COL4A1: variants seen among roughly 807,000 people sequenced by gnomAD.
COL4A1 encodes collagen type IV alpha 1 chain, also known as collagen alpha-1(IV) chain.
Under a neutral mutation model 216.6 loss-of-function variants are expected in COL4A1, and 40 were observed. The ratio of observed to expected loss-of-function variants is 0.18; its 90% CI spans 0.14 to 0.24. COL4A1 has a LOEUF of 0.24. Among genes scored for constraint, COL4A1 ranks in the 10% least tolerant of loss-of-function variants. COL4A1 has a pLI of 1.00. For synonymous variants in COL4A1, 839 were observed against 810.7 expected, an observed-to-expected ratio of 1.03 and a Z score of -0.59; for missense variants, 1,628 against 2,196.8, an observed-to-expected ratio of 0.74 and a Z score of 5.18.
At chr13:110,279,657 C>T (rs1440004450) in intron 1 of COL4A1, among the ~76,000 whole-genome samples, 2 of 152,184 alleles carry the variant, frequency 1.3e-5, no homozygotes, top group East Asian at 3.9e-4. Context: ...GCATCAGAAA[C>T]CAGCCACACA....
At chr13:110,204,458 C>G (rs1879394240) in intron 17 of COL4A1, among the ~76,000 whole-genome samples, 1 of 152,152 alleles carries the variant, frequency 6.6e-6, no homozygotes, top group Non-Finnish European at 1.5e-5. Flanking sequence ...TTGTCCCTGG[C>G]TTTAATAAAT....
At position 110,164,934 on chromosome 13, in the gene COL4A1, C is replaced by T. The variant is rs1045005825; in HGVS notation, c.4078G>A (p.Gly1360Arg). The T allele has an allele frequency of 2.5e-6, 4 of 1,605,002 alleles. No individual in the cohort carries two copies. Among genetic ancestry groups the T allele is most frequent in the South Asian group, 2.2e-5 (2 of 89,312 alleles). ...GPYDIIKGEP[G>R]LPGPEGPPGL... ...GGGGGGCCCTCAGGACCAGGGAGCC[C>T]GGGCTCCCCTTTGATGATGTCGTAA... Residue 1360 changes from glycine to arginine, a missense_variant, in exon 46 of 52, where the codon GGG becomes AGG. By Grantham distance (125) the Gly-to-Arg change is moderately radical. Coordinates refer to ENST00000375820, the MANE Select transcript of COL4A1 (RefSeq NM_001845.6).
At chr13:110,186,338 C>T in intron 26 of COL4A1, 47 bp downstream of exon 26, 5 of 1,610,536 alleles carry the variant, frequency 3.1e-6, no homozygotes, top group Non-Finnish European at 4.2e-6. Flanking sequence ...CCTGCCCTAA[C>T]CTCCGTTTAC....
At chr13:110,257,686 A>G (rs12857314) in intron 1 of COL4A1, among the ~76,000 whole-genome samples, 1 of 152,184 alleles carries the variant, frequency 6.6e-6, no homozygotes, top group Non-Finnish European at 1.5e-5. Flanking sequence ...TCCAAACCAC[A>G]CTTCCCCACT....
In COL4A1 at chr13:110,249,279, G is replaced by T. The variant is rs566723031; in HGVS notation, c.85-6545C>A. Among the ~76,000 whole-genome samples the T allele has an allele frequency of 2.0e-5, 3 of 152,184 alleles. No individual in the cohort carries two copies. In the East Asian group the frequency reaches 5.8e-4, roughly 29 times the overall value. On this transcript the variant is annotated intron_variant, in intron 1 of 51. Transcript: ENST00000375820. Reference sequence around the variant, plus strand: ...GGTGACTACACGGGTGTATACGTCGGTAAAAACTCATCGAGCTGTGCACTT... The same window carrying T: ...GGTGACTACACGGGTGTATACGTCGTTAAAAACTCATCGAGCTGTGCACTT...
At chr13:110,242,820 A>T in intron 1 of COL4A1, 86 bp from the exon 2 acceptor site, 1 of 1,436,366 alleles carries the variant, frequency 7.0e-7, no homozygotes, top group Admixed American at 1.7e-5. Flanking sequence ...TGGCATCTTG[A>T]CTTGTTTATG....
intron 24 of COL4A1, 147 bp downstream of exon 24, chr13:110,192,067 A>AC (rs1878653366): frequency 1.3e-6 from 1 of 775,582 alleles, no homozygotes; most frequent in Non-Finnish European, 2.2e-6. Context: ...GGCCGCATGG[A>AC]GTCACTCCAG....
chr13:110,288,901 G>A (rs926034831), intron 1 of COL4A1, among the ~76,000 whole-genome samples: 6 of 152,110 alleles, frequency 3.9e-5, no homozygotes, highest in Non-Finnish European at 7.4e-5. Flanking sequence ...GTGTGGTGGC[G>A]CACGCCTGTA....
intron 2 of COL4A1, 113 bp from the exon 3 acceptor site, chr13:110,214,128 C>G (rs1366265590): frequency 1.2e-6 from 1 of 862,242 alleles, no homozygotes; most frequent in East Asian, 2.6e-5. Context: ...GAGTCTCATT[C>G]TGTTGCCCAG....
Position 110,183,002 on chromosome 13 carries a change from CG to C in COL4A1, c.2085del (p.Gly696AlafsTer106), listed in dbSNP as rs606231464. ...CGTCTGGCAGGGTTACCTTTGGGGC[CG>C]GGGGGCCCTGGAAATCCAATGCCTG... Reference protein sequence around the residue: ...GQPGIGFPGPPGPKGVDGLPG... With the variant: ...GQPGIGFPGPXGPKGVDGLPG... On this transcript the variant is annotated frameshift_variant, in exon 28 of 52. Coordinates refer to ENST00000375820, the MANE Select transcript of COL4A1 (RefSeq NM_001845.6). LOFTEE classifies it high-confidence loss of function. The C allele has an allele frequency of 1.2e-6, 2 of 1,612,364 alleles. No individual in the cohort carries two copies. The highest frequency in any genetic ancestry group is 1.7e-6 in the Non-Finnish European group (2 of 1,179,594).
At chr13:110,296,789 G>A (rs1884293492) in intron 1 of COL4A1, among the ~76,000 whole-genome samples, 1 of 152,226 alleles carries the variant, frequency 6.6e-6, no homozygotes, top group African/African-American at 2.4e-5. Flanking sequence ...TTATAAATTG[G>A]AATTTCCATG....
chr13:110,265,561 C>G (rs1388036409), intron 1 of COL4A1: 1 of 152,224 alleles, frequency 6.6e-6, no homozygotes, highest in African/African-American at 2.4e-5. Flanking sequence ...GGAGCTGATT[C>G]TGGTGACAAG....
chr13:110,198,709 T>G, intron 20 of COL4A1, 78 bp from the exon 21 acceptor site: 5 of 1,584,040 alleles, frequency 3.2e-6, no homozygotes, highest in Non-Finnish European at 4.3e-6. Context: ...CTCCTAACTC[T>G]GTTCAAGGTA....
rs1448177585 is a variant in COL4A1 at position 110,178,245 on chromosome 13, A to G, written c.2459-14T>C. On this transcript the variant is annotated splice_polypyrimidine_tract_variant and intron_variant, in intron 31 of 51. Transcript: ENST00000375820. ...TTCCAGGAGGGCCTGCAGTTGGGTG[A>G]AACACAAATAACTTTTAGCAGAATT... The G allele has an allele frequency of 6.2e-6, 10 of 1,613,382 alleles. No individual in the cohort carries two copies. Among genetic ancestry groups the G allele is most frequent in the Non-Finnish European group, 8.5e-6 (10 of 1,180,018 alleles).
chr13:110,154,828 C>T (rs954731469), intron 50 of COL4A1, among the ~76,000 whole-genome samples: 5 of 152,116 alleles, frequency 3.3e-5, no homozygotes, highest in South Asian at 2.1e-4. Context: ...AGAAACTGGT[C>T]ATATGAACAA....
chr13:110,215,940 A>T (rs1880051922), intron 2 of COL4A1, among the ~76,000 whole-genome samples: 1 of 152,240 alleles, frequency 6.6e-6, no homozygotes, highest in Non-Finnish European at 1.5e-5. Context: ...CTCAGCCGCC[A>T]CACCTCCATA....
intron 49 of COL4A1, 174 bp downstream of exon 49, chr13:110,161,018 T>C (rs1877059202): frequency 2.5e-6 from 2 of 788,530 alleles, no homozygotes; most frequent in African/African-American, 3.4e-5. Flanking sequence ...CAACTGACTT[T>C]TATGTCAAAT....
chr13:110,184,426 C>T (rs1878312799), intron 26 of COL4A1, among the ~76,000 whole-genome samples: 1 of 152,172 alleles, frequency 6.6e-6, no homozygotes, highest in Non-Finnish European at 1.5e-5. Context: ...TCGGAAGTCC[C>T]TATGCCTGGC....
rs1879553721 is a variant in COL4A1 at position 110,207,058 on chromosome 13, G to A, written c.781-167C>T. Among the ~76,000 whole-genome samples the A allele has an allele frequency of 6.6e-6, 1 of 151,916 alleles. No individual in the cohort carries two copies. The highest frequency in any genetic ancestry group is 1.5e-5 in the Non-Finnish European group (1 of 68,006). ...TTGACATTGACTGGTATAAATGTAAGCAGGGCAGGGTTTATCATGCTTGAC... is the reference window on the plus strand; with the variant it reads ...TTGACATTGACTGGTATAAATGTAAACAGGGCAGGGTTTATCATGCTTGAC... On this transcript the variant is annotated intron_variant, in intron 13 of 51. Transcript: ENST00000375820. This position sits in a 1 kb window ranked among gnomAD's most constrained non-coding sequence, Gnocchi z 4.4.
Sources: allele counts gnomAD v4.1 joint callset (sites outside exome capture counted in the v4.1 genomes callset), GRCh38; gene constraint gnomAD v4.1.1; non-coding constraint Gnocchi (gnomAD v3.1); transcripts MANE v1.5; gene names NCBI Gene and HGNC (gene_info 2026-07-23, HGNC 2026-07-21).